Variants in SGIP1 observed in about 807,000 individuals in gnomAD.
SGIP1 encodes SH3-containing GRB2-like protein 3-interacting protein 1.
SGIP1 carries 38 observed loss-of-function variants against 107.5 expected under a neutral mutation model. That is an observed-to-expected ratio of 0.35 (90% confidence interval 0.27 to 0.46). The LOEUF is 0.46. SGIP1 is among the 20% of genes least tolerant of loss of function. The pLI is 1.00. For missense variants in SGIP1, 929 were observed against 1,019.5 expected (o/e 0.91, Z 1.21); for synonymous variants, 365 against 366.1 (o/e 1.00, Z 0.03).
intron 1 of SGIP1, among the ~76,000 whole-genome samples, chr1:66,596,458 A>G (rs995797369): frequency 6.6e-6 from 1 of 152,096 alleles, no homozygotes; most frequent in Non-Finnish European, 1.5e-5. Flanking sequence ...AAGCAAAGAC[A>G]TCACTCAGAT....
chr1:66,683,713 T>C (rs1446234560), intron 15 of SGIP1, among the ~76,000 whole-genome samples: 8 of 127,196 alleles, frequency 6.3e-5, no homozygotes, highest in African/African-American at 1.8e-4. Flanking sequence ...TTTTTTTTTT[T>C]TTTTTTTTTT....
At chr1:66,702,724 T>C (rs2092073168) in intron 18 of SGIP1, among the ~76,000 whole-genome samples, 1 of 152,202 alleles carries the variant, frequency 6.6e-6, no homozygotes, top group South Asian at 2.1e-4. Flanking sequence ...ATGTAGTTTC[T>C]TCCTCTTATG....
chr1:66,630,826 A>G (rs368706418), intron 2 of SGIP1, among the ~76,000 whole-genome samples: 1 of 6,256 alleles, frequency 1.6e-4, no homozygotes, highest in South Asian at 0.012. Context: ...AAAGAAAGAA[A>G]GAAAGAAAGA....
chr1:66,543,176 G>A lies in SGIP1; in HGVS notation c.10+8808G>A, dbSNP rs78146970. 7.2e-3 allele frequency among the ~76,000 whole-genome samples: 1,098 copies of A among 152,272 alleles called. 9 individuals carry two copies. The highest frequency in any genetic ancestry group is 0.025 in the African/African-American group (1,032 of 41,562). ...AATTTCCACAATTTTCTGAGGAAGA[G>A]CGTCATGATGTGATGTCACTAGTCC... On this transcript the variant is annotated intron_variant, in intron 1 of 24. Transcript: ENST00000371037.
At chr1:66,606,069 C>T (rs2066779112) in intron 1 of SGIP1, among the ~76,000 whole-genome samples, 1 of 152,124 alleles carries the variant, frequency 6.6e-6, no homozygotes, top group African/African-American at 2.4e-5. Flanking sequence ...GAAGCATGAA[C>T]TTAAGTCCCA....
At chr1:66,559,404 C>T (rs763923304) in intron 1 of SGIP1, among the ~76,000 whole-genome samples, 4 of 152,034 alleles carry the variant, frequency 2.6e-5, no homozygotes, top group Non-Finnish European at 5.9e-5. Flanking sequence ...ATACAAATAC[C>T]TACACACACC....
intron 15 of SGIP1, among the ~76,000 whole-genome samples, chr1:66,683,711 T>C (rs1211383551): frequency 8.8e-5 from 11 of 124,316 alleles, no homozygotes; most frequent in Middle Eastern, 4.1e-3. Context: ...TTTTTTTTTT[T>C]TTTTTTTTTT....
chr1:66,660,061 AAAGG>A (rs2080837248), intron 7 of SGIP1: 2 of 159,756 alleles, frequency 1.3e-5, no homozygotes, highest in African/African-American at 3.0e-5. Context: ...GAAAAGAAAG[AAAGG>A]AAGAAAGGAA....
At chr1:66,689,699 T>C (rs1187473614) in intron 16 of SGIP1, among the ~76,000 whole-genome samples, 1 of 152,240 alleles carries the variant, frequency 6.6e-6, no homozygotes, top group African/African-American at 2.4e-5. Flanking sequence ...GAGGAATTTG[T>C]TGCAGAAGTT....
intron 1 of SGIP1, among the ~76,000 whole-genome samples, chr1:66,540,375 G>C (rs1224538231): frequency 6.6e-6 from 1 of 152,166 alleles, no homozygotes; most frequent in East Asian, 1.9e-4. Flanking sequence ...AGTTTTGTCA[G>C]TATGCTGGAT....
rs768049895 is a variant in SGIP1, at chr1:66,679,725, A to G, written c.787A>G (p.Thr263Ala). Residue 263 changes from threonine to alanine, a missense_variant, in exon 14 of 25, where the codon ACA becomes GCA. Transcript: ENST00000371037. ...AAATGTACCAGCTACCCCACCCCGA[A>G]CAGGATCCCCCTTAACAATTGGACC... ...PKNVPATPPR[T>A]GSPLTIGPGN... 1 of 1,604,976 alleles carries G rather than the reference A, an allele frequency of 6.2e-7. No homozygotes were observed. Among genetic ancestry groups the G allele is most frequent in the South Asian group, 1.1e-5 (1 of 89,164 alleles).
chr1:66,710,987 G>A (rs1036569970), intron 18 of SGIP1, among the ~76,000 whole-genome samples: 3 of 152,098 alleles, frequency 2.0e-5, no homozygotes, highest in African/African-American at 7.2e-5. Context: ...TAAATCTTGG[G>A]TGGTGTGTAA....
chr1:66,595,660 C>T (rs913378728), intron 1 of SGIP1, among the ~76,000 whole-genome samples: 1 of 152,034 alleles, frequency 6.6e-6, no homozygotes, highest in Non-Finnish European at 1.5e-5. Flanking sequence ...CTTTTCTGAC[C>T]TTTTCATAAA....
chr1:66,565,540 A>T (rs183280248), intron 1 of SGIP1, among the ~76,000 whole-genome samples: 19 of 152,120 alleles, frequency 1.2e-4, no homozygotes, highest in Non-Finnish European at 2.9e-5. Flanking sequence ...ATACATGAAA[A>T]CGATGAGGCA....
chr1:66,722,027 G>C (rs544831092), intron 19 of SGIP1, among the ~76,000 whole-genome samples: 3 of 151,942 alleles, frequency 2.0e-5, no homozygotes, highest in African/African-American at 7.2e-5. Context: ...GCCTCACCCC[G>C]TGGCCGTGTC....
chr1:66,672,098 G>C (rs2083962284), intron 11 of SGIP1, 103 bp downstream of exon 11: 7 of 1,056,900 alleles, frequency 6.6e-6, no homozygotes, highest in Non-Finnish European at 1.0e-5. Context: ...CATTAACAAA[G>C]GCTCTACCAA....
chr1:66,674,953 G>A lies in SGIP1; in HGVS notation c.646+1587G>A, dbSNP rs2084840703. ...CTGAATATTTTCAATGATTTTGTTAGGAAACTGTACAAAGAACATTTCTAA... is the reference window on the plus strand; with the variant it reads ...CTGAATATTTTCAATGATTTTGTTAAGAAACTGTACAAAGAACATTTCTAA... On this transcript the variant is annotated intron_variant, in intron 12 of 24. Transcript: ENST00000371037. 2.0e-5 allele frequency among the ~76,000 whole-genome samples: 3 copies of A among 152,124 alleles called. 1 individual carries two copies. The South Asian group carries it at 6.2e-4, about 31-fold the overall frequency.
intron 1 of SGIP1, among the ~76,000 whole-genome samples, chr1:66,587,678 T>C (rs896298202): frequency 6.6e-6 from 1 of 152,136 alleles, no homozygotes; most frequent in African/African-American, 2.4e-5. Flanking sequence ...CTAATTCTAG[T>C]TGACATTACC....
At chr1:66,695,057 A>C (rs1225495534) in intron 17 of SGIP1, 2 of 373,600 alleles carry the variant, frequency 5.4e-6, no homozygotes, top group Non-Finnish European at 9.4e-6. Flanking sequence ...GAAGGGGATG[A>C]CATTGAAGAT....
Sources: allele counts gnomAD v4.1 joint callset (sites outside exome capture counted in the v4.1 genomes callset), GRCh38; gene constraint gnomAD v4.1.1; transcripts MANE v1.5; gene names NCBI Gene and HGNC (gene_info 2026-07-23, HGNC 2026-07-21).